The following GIPR variants were observed in gnomAD, a reference collection of about 807,000 sequenced individuals.
GIPR encodes the protein gastric inhibitory polypeptide receptor.
A neutral mutation model predicts 62.2 loss-of-function variants in GIPR; 74 were observed. The observed-to-expected ratio is 1.19, with a 90% CI of 0.99 to 1.44. The LOEUF (loss-of-function observed/expected upper bound fraction) is 1.44. Among genes scored for constraint, GIPR ranks in the 40% most tolerant of loss-of-function variants. GIPR has a pLI of 0.00. For missense variants in GIPR, 664 were observed against 611.8 expected (o/e 1.09, Z -0.90); for synonymous variants, 256 against 262.2 (o/e 0.98, Z 0.23).
In GIPR at chr19:45,669,661, G is replaced by T. The variant is rs545144984; in HGVS notation, c.72+69G>T. On this transcript the variant is annotated intron_variant, in intron 2 of 13. Transcript: ENST00000590918. Reference sequence around the variant, plus strand: ...GTATGGGGACGGTTTTAGGGCTTCCGTCGTCAGGGCGCTGTCGCTCACGCC... The same window carrying T: ...GTATGGGGACGGTTTTAGGGCTTCCTTCGTCAGGGCGCTGTCGCTCACGCC... 3.3e-5 allele frequency: 50 copies of T among 1,527,412 alleles called. No individual in the cohort carries two copies. In the African/African-American group the frequency reaches 6.0e-4, roughly 18 times the overall value. 94.6% of individuals were successfully genotyped at this position (1,527,412 alleles called of 1,614,324 possible).
rs1241110746 is a variant in GIPR at position 45,677,328 on chromosome 19, C to T, written c.799C>T (p.Pro267Ser). 6.3e-7 allele frequency: 1 copy of T among 1,589,312 alleles called. No individual in the cohort carries two copies. The highest frequency in any genetic ancestry group is 1.7e-5 in the Admixed American group (1 of 58,502). Residue 267 changes from proline to serine, a missense_variant, in exon 9 of 14, where the codon CCC (proline) becomes TCC (serine). By Grantham distance (74) the Pro-to-Ser change is moderately conservative. Transcript: ENST00000590918. Reference protein sequence around the residue: ...RYYLLLGWGAPALFVIPWVIV... With the variant: ...RYYLLLGWGASALFVIPWVIV... Reference sequence around the variant, plus strand: ...CGGGGTCGGGGTCTGCACAGGGGCCCCCGCGCTTTTCGTCATTCCCTGGGT... The same window carrying T: ...CGGGGTCGGGGTCTGCACAGGGGCCTCCGCGCTTTTCGTCATTCCCTGGGT...
At chr19:45,672,718 T>TATCATCATC (rs13306396) in intron 4 of GIPR, 133 bp from the exon 5 acceptor site, 5 of 696,306 alleles carry the variant, frequency 7.2e-6, no homozygotes, top group South Asian at 6.1e-5. Flanking sequence ...TATAAGGGTT[T>TATCATCATC]ATCATCATCA....
intron 5 of GIPR, among the ~76,000 whole-genome samples, chr19:45,673,419 CAAAAAA>C (rs71175203): frequency 3.1e-4 from 26 of 82,730 alleles, no homozygotes; most frequent in East Asian, 1.2e-3. Context: ...GACTCCATCT[CAAAAAA>C]AAAAAAAAAA....
chr19:45,679,750 G>A (rs1967131400), intron 12 of GIPR, among the ~76,000 whole-genome samples: 1 of 151,710 alleles, frequency 6.6e-6, no homozygotes, highest in Non-Finnish European at 1.5e-5. Context: ...GGGAGCACAG[G>A]AGCAAGCCAT....
intron 7 of GIPR, among the ~76,000 whole-genome samples, chr19:45,675,893 A>G (rs1164833148): frequency 6.6e-6 from 1 of 151,760 alleles, no homozygotes; most frequent in African/African-American, 2.4e-5. Context: ...CTGTTTCAAA[A>G]AAATAAAATG....
chr19:45,675,666 G>A (rs915744726), intron 7 of GIPR, among the ~76,000 whole-genome samples: 1 of 145,416 alleles, frequency 6.9e-6, no homozygotes, highest in Non-Finnish European at 1.5e-5. Flanking sequence ...TGGGCAGATC[G>A]CTTTTTGCCC....
chr19:45,669,364 G>A (rs1197342420), intron 1 of GIPR, 113 bp from the exon 2 acceptor site: 7 of 1,041,232 alleles, frequency 6.7e-6, no homozygotes, highest in Non-Finnish European at 7.1e-6. Flanking sequence ...TCGGAGTCCC[G>A]CGTGTATACG....
At chr19:45,680,372 A>C (rs890109337) in intron 12 of GIPR, among the ~76,000 whole-genome samples, 2 of 151,826 alleles carry the variant, frequency 1.3e-5, no homozygotes, top group Non-Finnish European at 2.9e-5. Context: ...AAAAACAAAA[A>C]AAAAATTAAC....
chr19:45,670,871 A>G (rs1975498680), intron 3 of GIPR, 137 bp downstream of exon 3: 4 of 615,508 alleles, frequency 6.5e-6, no homozygotes, highest in Non-Finnish European at 1.1e-5. Flanking sequence ...TGACCTGAGC[A>G]TGGTGGGAAC....
chr19:45,678,515 G>A, intron 12 of GIPR: 1 of 475,592 alleles, frequency 2.1e-6, no homozygotes, highest in Non-Finnish European at 3.8e-6. Context: ...AGGAATGTGC[G>A]ACAACACCTG....
chr19:45,673,797 G>A (rs1022882087), intron 5 of GIPR, among the ~76,000 whole-genome samples: 9 of 152,006 alleles, frequency 5.9e-5, no homozygotes, highest in African/African-American at 1.9e-4. Context: ...CCTGGGGGGC[G>A]AGGCTGCAGG....
rs1169693381 is a variant in GIPR at position 45,681,893 on chromosome 19, G to A, written c.1359G>A (p.Gly453=). The A allele has an allele frequency of 1.3e-6, 2 of 1,559,460 alleles. No individual in the cohort carries two copies. The highest frequency in any genetic ancestry group is 2.4e-5 in the East Asian group (1 of 42,446). Residue 453 remains glycine (G), a synonymous_variant, in exon 14 of 14, where the codon GGG becomes GGA. Transcript: ENST00000590918. ...SRGLSSGTLP[G]PGNEASRELE... ...GCTTGTCCTCGGGGACCCTCCCAGG[G>A]CCTGGGAATGAGGCCAGCCGGGAGT...
chr19:45,670,827 C>A (rs1975496475), intron 3 of GIPR, 93 bp downstream of exon 3: 2 of 779,614 alleles, frequency 2.6e-6, no homozygotes, highest in South Asian at 1.7e-5. Context: ...GGGAAGAAAT[C>A]TCGGGGCGCT....
chr19:45,677,936 G>A lies in GIPR; in HGVS notation c.955G>A (p.Gly319Ser), dbSNP rs1366685396. Residue 319 changes from glycine (G) to serine (S), a missense_variant, in exon 11 of 14, where the codon GGC (glycine) becomes AGC (serine). Coordinates refer to ENST00000590918, the MANE Select transcript of GIPR (RefSeq NM_000164.4). Reference protein sequence around the residue: ...INFLIFIRILGILLSKLRTRQ... With the variant: ...INFLIFIRILSILLSKLRTRQ... The stretch of plus-strand genomic sequence containing the variant: ...TTTCCTCATTTTTATCCGCATTCTT[G>A]GCATTCTCCTGTCCAAGCTGAGGAC... 1 of 1,613,802 alleles carries A rather than the reference G, an allele frequency of 6.2e-7. No homozygotes were observed. Among genetic ancestry groups the A allele is most frequent in the East Asian group, 2.2e-5 (1 of 44,874 alleles).
At chr19:45,671,778 C>CTT (rs34403425) in intron 4 of GIPR, among the ~76,000 whole-genome samples, 16,329 of 148,816 alleles carry the variant, frequency 0.11, 1,107 homozygotes, top group East Asian at 0.4. Context: ...CCACACCCGG[C>CTT]TTTTTTTTTA....
intron 3 of GIPR, 45 bp from the exon 4 acceptor site, chr19:45,671,240 G>A (rs1975523138): frequency 1.7e-6 from 2 of 1,153,686 alleles, no homozygotes; most frequent in Middle Eastern, 2.0e-4. Flanking sequence ...TTGGCCCACT[G>A]CGCAGTAGGT....
intron 9 of GIPR, 76 bp from the exon 10 acceptor site, chr19:45,677,634 C>T (rs1967018811): frequency 1.7e-6 from 2 of 1,164,134 alleles, no homozygotes; most frequent in Non-Finnish European, 2.6e-6. Context: ...GTGGGCGGGG[C>T]CTAGCGAGCA....
intron 12 of GIPR, among the ~76,000 whole-genome samples, chr19:45,681,329 T>C (rs1967209224): frequency 6.6e-6 from 1 of 152,036 alleles, no homozygotes; most frequent in Admixed American, 6.6e-5. Context: ...ACCCCGTCTC[T>C]ACTAAAAATA....
rs766119961 is a variant in GIPR at position 45,681,744 on chromosome 19, C to A, written c.1210C>A (p.Arg404Ser). ...CGTCTCACAGGTGCAGTCGGAGATC[C>A]GCCGTGGCTGGCACCACTGCCGCCT... The part of the protein sequence containing the change: ...FINKEVQSEI[R>S]RGWHHCRLRR... The change falls in exon 14 of 14, where the codon CGC (arginine) becomes AGC (serine). Residue 404 changes from arginine to serine, a missense_variant. Physicochemically the swap from Arg to Ser is moderately radical, Grantham distance 110 (BLOSUM62 -1). Transcript: ENST00000590918. The A allele has an allele frequency of 4.3e-6, 7 of 1,609,556 alleles. No individual in the cohort carries two copies. Among genetic ancestry groups the A allele is most frequent in the African/African-American group, 1.3e-5 (1 of 74,856 alleles).
Sources: gnomAD v4.1 joint callset for allele counts (sites outside exome capture counted in the v4.1 genomes callset) on GRCh38, gnomAD v4.1.1 for gene constraint, MANE v1.5 for transcripts, NCBI Gene and HGNC (gene_info 2026-07-23, HGNC 2026-07-21) for gene names.